HHAT: variants seen among roughly 807,000 people sequenced by gnomAD.
HHAT encodes protein-cysteine N-palmitoyltransferase HHAT.
In HHAT, 47 loss-of-function variants were observed where a neutral mutation model predicts 70.8. The observed-to-expected ratio is 0.66, with a 90% confidence interval of 0.53 to 0.85. HHAT has a LOEUF of 0.85. Ranked by LOEUF, HHAT falls within the 40% of genes least tolerant of loss-of-function variation. The pLI is 0.00. For synonymous variants in HHAT, 228 were observed against 247.6 expected, an observed-to-expected ratio of 0.92 and a Z score of 0.74; for missense variants, 609 against 604.8, an observed-to-expected ratio of 1.01 and a Z score of -0.07.
chr1:210,502,923 T>C (rs1030389051), intron 8 of HHAT, among the ~76,000 whole-genome samples: 2 of 152,178 alleles, frequency 1.3e-5, no homozygotes, highest in African/African-American at 4.8e-5. Context: ...ACTCAAGATT[T>C]AATTTAGCTT....
intron 2 of HHAT, among the ~76,000 whole-genome samples, chr1:210,357,346 A>G (rs2087749655): frequency 6.6e-6 from 1 of 152,212 alleles, no homozygotes; most frequent in African/African-American, 2.4e-5. Flanking sequence ...TAAAACTCTC[A>G]TGTGAGAGGT....
intron 9 of HHAT, among the ~76,000 whole-genome samples, chr1:210,559,642 A>G (rs1186542213): frequency 6.6e-6 from 1 of 152,194 alleles, no homozygotes; most frequent in Non-Finnish European, 1.5e-5. Context: ...TTTTCCCACC[A>G]AATGTCCTGG....
intron 9 of HHAT, among the ~76,000 whole-genome samples, chr1:210,557,443 C>T (rs1266413085): frequency 6.6e-6 from 1 of 152,102 alleles, no homozygotes; most frequent in Non-Finnish European, 1.5e-5. Flanking sequence ...CACTTGTACA[C>T]GAATGTCTCC....
intron 5 of HHAT, among the ~76,000 whole-genome samples, chr1:210,401,975 C>A (rs1227876544): frequency 1.3e-5 from 2 of 152,234 alleles, no homozygotes; most frequent in Non-Finnish European, 2.9e-5. Context: ...GCCCCTCAGC[C>A]TATCTCAGGC....
At chr1:210,666,513 C>T (rs2148972557) in intron 11 of HHAT, among the ~76,000 whole-genome samples, 1 of 152,158 alleles carries the variant, frequency 6.6e-6, no homozygotes, top group Admixed American at 6.5e-5. Context: ...TTTAGAGGCT[C>T]ACTCTGTTGC....
intron 11 of HHAT, among the ~76,000 whole-genome samples, chr1:210,665,939 T>A (rs2148971205): frequency 6.6e-6 from 1 of 152,314 alleles, no homozygotes; most frequent in African/African-American, 2.4e-5. Flanking sequence ...TTAACTAAGA[T>A]TGTGTATTCT....
intron 10 of HHAT, among the ~76,000 whole-genome samples, chr1:210,611,063 G>A (rs776248045): frequency 1.3e-5 from 2 of 152,148 alleles, no homozygotes; most frequent in Non-Finnish European, 2.9e-5. Context: ...GTCAATGATA[G>A]TTTAATGGGA....
chr1:210,350,120 G>T (rs1207353763), intron 2 of HHAT, among the ~76,000 whole-genome samples: 2 of 152,180 alleles, frequency 1.3e-5, no homozygotes, highest in African/African-American at 4.8e-5. Flanking sequence ...ACTGTTATTT[G>T]TGTTGTCTAT....
intron 9 of HHAT, among the ~76,000 whole-genome samples, chr1:210,584,948 T>C (rs1660104828): frequency 2.0e-5 from 3 of 152,266 alleles, no homozygotes; most frequent in Admixed American, 2.0e-4. Flanking sequence ...TCCATTAATC[T>C]GTAGTGAGTG....
intron 9 of HHAT, among the ~76,000 whole-genome samples, chr1:210,520,039 G>A (rs138217657): frequency 0.014 from 1,420 of 98,598 alleles, 24 homozygotes; most frequent in African/African-American, 0.042. Flanking sequence ...TTTTTGAGAC[G>A]GAGTCTCACT....
chr1:210,556,726 C>A lies in HHAT; in HGVS notation c.1044-31172C>A, dbSNP rs551776284. Reference sequence around the variant, plus strand: ...AGTTGGAGACTGGTACTGATGAGACCAAGATGATAGAATTTAACTTCATAT... The same window carrying A: ...AGTTGGAGACTGGTACTGATGAGACAAAGATGATAGAATTTAACTTCATAT... On this transcript the variant is annotated intron_variant, in intron 9 of 11. Transcript: ENST00000261458. Among the ~76,000 whole-genome samples, 10 of 152,238 alleles carry A rather than the reference C, an allele frequency of 6.6e-5. No individual in the cohort carries two copies. The South Asian group carries it at 1.2e-3, about 19-fold the overall frequency.
intron 8 of HHAT, among the ~76,000 whole-genome samples, chr1:210,489,620 A>G (rs897541710): frequency 6.6e-6 from 1 of 152,254 alleles, no homozygotes; most frequent in Non-Finnish European, 1.5e-5. Context: ...CCTATTCTAT[A>G]GCAACTGGCA....
intron 8 of HHAT, among the ~76,000 whole-genome samples, chr1:210,483,526 C>G (rs2094430177): frequency 1.3e-5 from 2 of 152,130 alleles, no homozygotes; most frequent in African/African-American, 4.8e-5. Flanking sequence ...CCAGCAGTTT[C>G]TTCCAGCTTT....
chr1:210,404,747 C>T, intron 6 of HHAT, 68 bp downstream of exon 6: 1 of 1,305,160 alleles, frequency 7.7e-7, no homozygotes, highest in South Asian at 1.3e-5. Context: ...CTCTGGTCTT[C>T]TCTGACTCTT....
At chr1:210,401,469 G>A (rs555303843) in intron 5 of HHAT, among the ~76,000 whole-genome samples, 8 of 152,272 alleles carry the variant, frequency 5.3e-5, no homozygotes, top group East Asian at 3.9e-4. Flanking sequence ...TTCAATTTAG[G>A]TAGTGAAAAC....
At chr1:210,550,902 A>C (rs1231625189) in intron 9 of HHAT, among the ~76,000 whole-genome samples, 2 of 126,332 alleles carry the variant, frequency 1.6e-5, no homozygotes, top group Non-Finnish European at 3.3e-5. Context: ...TCTTGACCTT[A>C]AGTGATCCAC....
At chr1:210,548,636 AC>A (rs1331906855) in intron 9 of HHAT, among the ~76,000 whole-genome samples, 1 of 152,182 alleles carries the variant, frequency 6.6e-6, no homozygotes, top group African/African-American at 2.4e-5. Context: ...CAGGCTAGTT[AC>A]CTAATTATTT....
rs542308369 is a variant in HHAT, at chr1:210,408,896, C to CT, written c.684+4218dup. Among the ~76,000 whole-genome samples the CT allele has an allele frequency of 2.0e-3, 298 of 152,340 alleles. 3 individuals are homozygous for CT. The highest frequency in any genetic ancestry group is 6.9e-3 in the African/African-American group (288 of 41,568). On this transcript the variant is annotated intron_variant, in intron 6 of 11. Transcript: ENST00000261458. ...TTAAAATGTTTGAGATGGTCTCACT[C>CT]TGACACCCAGGTTGGAGTGCAATGG... is the stretch of plus-strand genomic sequence containing the variant.
At chr1:210,398,852 T>C (rs1425439507) in intron 4 of HHAT, among the ~76,000 whole-genome samples, 1 of 152,168 alleles carries the variant, frequency 6.6e-6, no homozygotes, top group Non-Finnish European at 1.5e-5. Flanking sequence ...TATGTGGCTG[T>C]TTTCTGTGGG....
Sources: gnomAD v4.1 joint callset for allele counts (sites outside exome capture counted in the v4.1 genomes callset) on GRCh38, gnomAD v4.1.1 for gene constraint, MANE v1.5 for transcripts, NCBI Gene and HGNC (gene_info 2026-07-23, HGNC 2026-07-21) for gene names.